The following DNAH8 variants were observed in gnomAD, a reference collection of about 807,000 sequenced individuals.
DNAH8 encodes dynein axonemal heavy chain 8, also known as axonemal beta dynein heavy chain 8.
DNAH8 carries 382 observed loss-of-function variants against 562.1 expected under a neutral mutation model. That is an observed-to-expected ratio of 0.68 (90% confidence interval 0.63 to 0.74). The LOEUF (loss-of-function observed/expected upper bound fraction) is 0.74. Ranked by LOEUF, DNAH8 falls within the 30% of genes least tolerant of loss-of-function variation. The probability of loss-of-function intolerance (pLI) is 0.00; values close to 1 mark genes in which losing one functional copy is unlikely to be tolerated. For missense variants in DNAH8, 5,203 were observed against 5,620.4 expected, an observed-to-expected ratio of 0.93 and a Z score of 2.37; for synonymous variants, 1,881 against 1,919.4, an observed-to-expected ratio of 0.98 and a Z score of 0.52.
chr6:38,925,998 C>T (rs1782084466), intron 73 of DNAH8, 57 bp from the exon 74 acceptor site: 3 of 1,439,978 alleles, frequency 2.1e-6, no homozygotes, highest in Admixed American at 2.1e-5. Context: ...CTTTTAATTA[C>T]TAATGAGGGC....
intron 21 of DNAH8, among the ~76,000 whole-genome samples, chr6:38,798,435 G>A (rs1419124307): frequency 6.6e-6 from 1 of 152,210 alleles, no homozygotes; most frequent in African/African-American, 2.4e-5. Flanking sequence ...TCAAGGAGTA[G>A]CGAGTCTTCT....
chr6:38,907,902 T>G (rs1780602383), intron 63 of DNAH8, 54 bp from the exon 64 acceptor site: 12 of 1,382,628 alleles, frequency 8.7e-6, no homozygotes, highest in African/African-American at 1.5e-5. Flanking sequence ...TGGCAGTGAA[T>G]TGACTGTGGA....
At chr6:38,795,306 A>G (rs1475943018) in intron 21 of DNAH8, among the ~76,000 whole-genome samples, 1 of 152,198 alleles carries the variant, frequency 6.6e-6, no homozygotes, top group Non-Finnish European at 1.5e-5. Context: ...GTTGCTGGGC[A>G]CGGTGGCTCA....
At chr6:38,868,760 T>C (rs1305592285) in intron 48 of DNAH8, among the ~76,000 whole-genome samples, 1 of 151,708 alleles carries the variant, frequency 6.6e-6, no homozygotes, top group East Asian at 1.9e-4. Flanking sequence ...AACCTCCTCA[T>C]TCCAGGCTCA....
At chr6:38,895,652 A>G (rs1185922869) in intron 59 of DNAH8, among the ~76,000 whole-genome samples, 1 of 152,194 alleles carries the variant, frequency 6.6e-6, no homozygotes, top group African/African-American at 2.4e-5. Context: ...CAAGGGTGAT[A>G]CTTGTCAAAT....
chr6:38,772,566 G>C (rs1767675644), intron 12 of DNAH8, among the ~76,000 whole-genome samples: 1 of 152,054 alleles, frequency 6.6e-6, no homozygotes, highest in Non-Finnish European at 1.5e-5. Context: ...TTTTATTGTT[G>C]AGTTGTAGGA....
chr6:38,833,496 A>C (rs1774022585), intron 31 of DNAH8, among the ~76,000 whole-genome samples: 1 of 152,172 alleles, frequency 6.6e-6, no homozygotes, highest in South Asian at 2.1e-4. Flanking sequence ...AGGCTTCTTA[A>C]GTTACCTTGC....
intron 4 of DNAH8, among the ~76,000 whole-genome samples, chr6:38,731,747 C>T (rs1318078445): frequency 6.6e-6 from 1 of 152,212 alleles, no homozygotes; most frequent in African/African-American, 2.4e-5. Context: ...CAGAGTCTCA[C>T]TCTGTCACCC....
At position 39,030,507 on chromosome 6, in the gene DNAH8, A is replaced by G; in HGVS notation, c.*115A>G. ...GTAATTCCTTAATTACTCTTTCTAC[A>G]TTAAAAAGTTGATGTTCTAAAATTG... On this transcript the variant is annotated 3_prime_UTR_variant, in exon 93 of 93. Coordinates refer to ENST00000327475, the MANE Select transcript of DNAH8 (RefSeq NM_001206927.2). 3.2e-6 allele frequency: 3 copies of G among 934,494 alleles called. No individual in the cohort carries two copies. Among genetic ancestry groups the G allele is most frequent in the Non-Finnish European group, 4.7e-6 (3 of 634,100 alleles). The allele number at this position is 934,494 out of a possible 1,614,324, so 57.9% of individuals were successfully genotyped here.
chr6:38,879,612 A>T (rs1778307444), intron 53 of DNAH8, among the ~76,000 whole-genome samples: 1 of 152,214 alleles, frequency 6.6e-6, no homozygotes, highest in Non-Finnish European at 1.5e-5. Context: ...ACGGAATGGT[A>T]AACAACTAAA....
At chr6:38,824,714 A>T (rs1773157539) in intron 28 of DNAH8, among the ~76,000 whole-genome samples, 1 of 152,170 alleles carries the variant, frequency 6.6e-6, no homozygotes, top group African/African-American at 2.4e-5. Context: ...TGCTGATGAA[A>T]ATGACAGTAT....
chr6:38,987,308 C>T (rs1764468944), intron 87 of DNAH8, among the ~76,000 whole-genome samples: 1 of 152,184 alleles, frequency 6.6e-6, no homozygotes, highest in African/African-American at 2.4e-5. Flanking sequence ...GCCTTTCTTC[C>T]TCTTCTACTT....
intron 32 of DNAH8, among the ~76,000 whole-genome samples, chr6:38,835,786 G>A (rs555004373): frequency 6.6e-6 from 1 of 152,246 alleles, no homozygotes; most frequent in Non-Finnish European, 1.5e-5. Context: ...GGGCCCGGTA[G>A]GCAATAATAA....
At chr6:38,789,965 A>C in intron 19 of DNAH8, 82 bp downstream of exon 19, 1 of 1,082,088 alleles carries the variant, frequency 9.2e-7, no homozygotes, top group South Asian at 1.4e-5. Flanking sequence ...ATTTTGGAAC[A>C]TCTATTCTTC....
intron 16 of DNAH8, among the ~76,000 whole-genome samples, chr6:38,782,325 G>A (rs1409008016): frequency 6.6e-6 from 1 of 151,920 alleles, no homozygotes; most frequent in Non-Finnish European, 1.5e-5. Flanking sequence ...CTCTCGCCCA[G>A]GCTGGAGTGC....
At chr6:38,895,596 A>T (rs1779623189) in intron 59 of DNAH8, among the ~76,000 whole-genome samples, 2 of 152,204 alleles carry the variant, frequency 1.3e-5, no homozygotes, top group Admixed American at 1.3e-4. Flanking sequence ...ATCATAGATG[A>T]TAATGCCAGT....
At chr6:38,820,164 C>T (rs548362103) in intron 26 of DNAH8, among the ~76,000 whole-genome samples, 12 of 152,044 alleles carry the variant, frequency 7.9e-5, no homozygotes, top group Non-Finnish European at 1.5e-4. Context: ...GGGGTCCTGC[C>T]CTGCCAAATA....
rs1308823993 is a variant in DNAH8 at position 38,842,745 on chromosome 6, T to C, written c.4687T>C (p.Cys1563Arg). 6.2e-7 allele frequency: 1 copy of C among 1,613,974 alleles called. No individual in the cohort carries two copies. The highest frequency in any genetic ancestry group is 8.5e-7 in the Non-Finnish European group (1 of 1,179,906). The change falls in exon 35 of 93, where the codon TGT (cysteine) becomes CGT (arginine). Residue 1563 changes from cysteine to arginine, a missense_variant. Physicochemically the swap from Cys to Arg is radical, Grantham distance 180. Transcript: ENST00000327475. ...KKRIDDFSESCPLLEMMTNKA... is the reference protein window; with the variant it reads ...KKRIDDFSESRPLLEMMTNKA... ...GAGAATTGATGATTTCAGTGAGTCA[T>C]GTCCTCTACTGGAAATGATGACCAA...
At chr6:38,807,554 A>C in intron 23 of DNAH8, 56 bp from the exon 24 acceptor site, 2 of 845,286 alleles carry the variant, frequency 2.4e-6, no homozygotes, top group Non-Finnish European at 3.5e-6. Flanking sequence ...TGTTTTGGGG[A>C]TGCTCTAGGT....
Sources: gnomAD v4.1 joint callset for allele counts (sites outside exome capture counted in the v4.1 genomes callset) on GRCh38, gnomAD v4.1.1 for gene constraint, MANE v1.5 for transcripts, NCBI Gene and HGNC (gene_info 2026-07-23, HGNC 2026-07-21) for gene names.